DCDC2: variants seen among roughly 807,000 people sequenced by gnomAD.
DCDC2 encodes doublecortin domain-containing protein 2.
DCDC2 carries 40 observed loss-of-function variants against 50.2 expected under a neutral mutation model. That is an observed-to-expected ratio of 0.80 (90% CI 0.62 to 1.04). DCDC2 has a LOEUF of 1.04. Among genes scored for constraint, DCDC2 ranks in the 50% least tolerant of loss-of-function variants. The pLI, the probability that DCDC2 is intolerant of heterozygous loss-of-function variation, is 0.00. For synonymous variants in DCDC2, 234 were observed against 210.6 expected (o/e 1.11, Z -0.96); for missense variants, 570 against 581.9 (o/e 0.98, Z 0.21).
intron 8 of DCDC2, among the ~76,000 whole-genome samples, chr6:24,193,624 T>C (rs1761357409): frequency 6.6e-6 from 1 of 152,070 alleles, no homozygotes; most frequent in African/African-American, 2.4e-5. Context: ...GAAATGTAAC[T>C]AGAGTACACC....
chr6:24,366,982 A>G, the DCDC2 span, among the ~76,000 whole-genome samples: 10 of 152,086 alleles, frequency 6.6e-5, no homozygotes, highest in African/African-American at 2.4e-4. Flanking sequence ...ACAGGTGTGC[A>G]CCACTACAAC....
chr6:24,291,672 A>T (rs1007584632), intron 4 of DCDC2, among the ~76,000 whole-genome samples: 5 of 151,300 alleles, frequency 3.3e-5, no homozygotes, highest in Non-Finnish European at 7.4e-5. Flanking sequence ...TTTTTAGTAG[A>T]GACCGGGTTT....
At position 24,301,992 on chromosome 6, in the gene DCDC2, G is replaced by A. The variant is rs779076957; in HGVS notation, c.401C>T (p.Pro134Leu). 26 of 1,613,778 alleles carry A rather than the reference G, an allele frequency of 1.6e-5. No individual in the cohort carries two copies. The highest frequency in any genetic ancestry group is 2.2e-5 in the South Asian group (2 of 91,040). ...RINVSARFRK[P>L]LQEPCTIFLI... ...CAAGATAGTGCACGGCTCCTGAAGC[G>A]GTTTTCTAAAGCGAGCTGACACGTT... Residue 134 changes from proline (P) to leucine (L), a missense_variant, in exon 3 of 10, where the codon CCG becomes CTG. Transcript: ENST00000378454.
intron 2 of DCDC2, among the ~76,000 whole-genome samples, chr6:24,349,849 T>C (rs545365026): frequency 6.6e-6 from 1 of 152,278 alleles, no homozygotes; most frequent in East Asian, 1.9e-4. Context: ...TAGATATTAG[T>C]AAAAGCAGGA....
chr6:24,364,787 T>C, the DCDC2 span, among the ~76,000 whole-genome samples: 22 of 151,332 alleles, frequency 1.5e-4, no homozygotes, highest in African/African-American at 5.3e-4. Context: ...CTAAGACTAA[T>C]TGCTTAGCTT....
In DCDC2 at chr6:24,357,474, C is replaced by A; in HGVS notation, c.277G>T (p.Ala93Ser). ...CCGACTCACTTGAGTTTCTTGAAGG[C>A]TTCCTGGCCTCCAGCCACGTAATTG... is the stretch of plus-strand genomic sequence containing the variant. The part of the protein sequence containing the change: ...GGNYVAGGQE[A>S]FKKLNYLDIG... Residue 93 changes from alanine (A) to serine (S), a missense_variant, in exon 1 of 10, where the codon GCC becomes TCC. Physicochemically the swap from Ala to Ser is moderately conservative, Grantham distance 99 (BLOSUM62 1). Coordinates refer to ENST00000378454, the MANE Select transcript of DCDC2 (RefSeq NM_016356.5). The A allele has an allele frequency of 6.2e-7, 1 of 1,606,578 alleles. No individual in the cohort carries two copies. Among genetic ancestry groups the A allele is most frequent in the Non-Finnish European group, 8.5e-7 (1 of 1,175,594 alleles).
intron 2 of DCDC2, among the ~76,000 whole-genome samples, chr6:24,346,153 A>T (rs1004858773): frequency 2.7e-4 from 7 of 26,120 alleles, no homozygotes; most frequent in Admixed American, 5.8e-4. Context: ...GACTCTGTCT[A>T]AAAAAAAAAA....
At chr6:24,330,299 G>A (rs550988578) in intron 2 of DCDC2, among the ~76,000 whole-genome samples, 6 of 152,154 alleles carry the variant, frequency 3.9e-5, no homozygotes, top group Non-Finnish European at 7.4e-5. Context: ...AAACAACCCC[G>A]GGCTGAATGT....
chr6:24,250,527 A>G (rs1762774836), intron 7 of DCDC2, among the ~76,000 whole-genome samples: 1 of 152,354 alleles, frequency 6.6e-6, no homozygotes, highest in Middle Eastern at 3.4e-3. Flanking sequence ...TAAGCATTCA[A>G]TTTCTAAAAG....
chr6:24,222,396 A>T (rs1026315047), intron 7 of DCDC2, among the ~76,000 whole-genome samples: 2 of 152,202 alleles, frequency 1.3e-5, no homozygotes, highest in Admixed American at 6.5e-5. Context: ...TTTTAGGATA[A>T]TTTTTTTCCA....
chr6:24,238,146 C>G (rs1359850233), intron 7 of DCDC2, among the ~76,000 whole-genome samples: 6 of 106 alleles, frequency 0.057, 1 homozygote, highest in Admixed American at 0.5. Flanking sequence ...GGAAGGGATG[C>G]AGGGAGGAAT....
chr6:24,357,706 G>A lies in DCDC2; in HGVS notation c.45C>T (p.Val15=). 6.2e-7 allele frequency: 1 copy of A among 1,612,776 alleles called. No individual in the cohort carries two copies. Among genetic ancestry groups the A allele is most frequent in the Non-Finnish European group, 8.5e-7 (1 of 1,179,532 alleles). ...TGCGGTACACAAGCACGCTCTTCACGACGGGCTGAGACAGGTGGCTGGACC... is the reference window on the plus strand; with the variant it reads ...TGCGGTACACAAGCACGCTCTTCACAACGGGCTGAGACAGGTGGCTGGACC... ...SARSSHLSQP[V]VKSVLVYRNG... The change falls in exon 1 of 10, where the codon GTC becomes GTT. Residue 15 remains valine (V), a synonymous_variant. Transcript: ENST00000378454.
In DCDC2 at chr6:24,178,373, T is replaced by A. The variant is rs375119774; in HGVS notation, c.1283A>T (p.Asp428Val). ...AGCTCCTTGAGACTTTCTTTCCTTGTCTAGGACCAGTTGAAGCTCATTATT... is the reference window on the plus strand; with the variant it reads ...AGCTCCTTGAGACTTTCTTTCCTTGACTAGGACCAGTTGAAGCTCATTATT... The part of the protein sequence containing the change: ...QVNNELQLVL[D>V]KERKSQGAGS... The change falls in exon 9 of 10, where the codon GAC (aspartate) becomes GTC (valine). Residue 428 changes from aspartate to valine, a missense_variant. Coordinates refer to ENST00000378454, the MANE Select transcript of DCDC2 (RefSeq NM_016356.5). 2 of 1,614,214 alleles carry A rather than the reference T, an allele frequency of 1.2e-6. No homozygotes were observed. The highest frequency in any genetic ancestry group is 1.7e-6 in the Non-Finnish European group (2 of 1,180,016).
rs1762143207 is a variant in DCDC2 at position 24,222,589 on chromosome 6, C to T, written c.923-17487G>A. Among the ~76,000 whole-genome samples, 5 of 152,140 alleles carry T rather than the reference C, an allele frequency of 3.3e-5. No homozygotes were observed. The South Asian group carries it at 1.0e-3, about 31-fold the overall frequency. ...CATGCACTAATACACAGTATGAGAA[C>T]ATCTGTAACTTTGTTTTTATTCTTA... On this transcript the variant is annotated intron_variant, in intron 7 of 9. Coordinates refer to ENST00000378454, the MANE Select transcript of DCDC2 (RefSeq NM_016356.5).
chr6:24,294,491 C>G (rs900050538), intron 4 of DCDC2, among the ~76,000 whole-genome samples: 3 of 151,710 alleles, frequency 2.0e-5, no homozygotes, highest in Non-Finnish European at 4.4e-5. Flanking sequence ...TGAAGGAGAT[C>G]GAGACATGAA....
chr6:24,317,081 A>G (rs748158765), intron 2 of DCDC2, among the ~76,000 whole-genome samples: 2 of 152,016 alleles, frequency 1.3e-5, no homozygotes, highest in African/African-American at 2.4e-5. Context: ...GCACACATAC[A>G]TGCATACATC....
At chr6:24,246,110 G>A (rs1260811988) in intron 7 of DCDC2, among the ~76,000 whole-genome samples, 1 of 151,994 alleles carries the variant, frequency 6.6e-6, no homozygotes, top group Non-Finnish European at 1.5e-5. Flanking sequence ...ACAGGTATAA[G>A]CCACCGCGCC....
chr6:24,359,513 T>A (rs1420646534), upstream of DCDC2, among the ~76,000 whole-genome samples: 2 of 101,642 alleles, frequency 2.0e-5, no homozygotes, highest in Non-Finnish European at 3.7e-5. Context: ...TTTTATATAT[T>A]ATATATATTT....
At chr6:24,372,674 C>A in the DCDC2 span, among the ~76,000 whole-genome samples, 6 of 152,002 alleles carry the variant, frequency 3.9e-5, no homozygotes, top group Admixed American at 3.9e-4. Flanking sequence ...GGACAAAAAA[C>A]CAAACACCGC....
Sources: allele counts gnomAD v4.1 joint callset (sites outside exome capture counted in the v4.1 genomes callset), GRCh38; gene constraint gnomAD v4.1.1; transcripts MANE v1.5; gene names NCBI Gene and HGNC (gene_info 2026-07-23, HGNC 2026-07-21).